Variants in PPP2R5C observed in about 807,000 individuals in gnomAD.
The protein encoded by PPP2R5C is protein phosphatase 2 regulatory subunit B'gamma.
In PPP2R5C, 7 loss-of-function variants were observed where a neutral mutation model predicts 68.9. The observed-to-expected ratio is 0.10, with a 90% confidence interval of 0.06 to 0.19. The LOEUF (loss-of-function observed/expected upper bound fraction) is 0.19. PPP2R5C is among the 10% of genes least tolerant of loss of function. PPP2R5C has a pLI of 1.00. For missense variants in PPP2R5C, 348 were observed against 641.3 expected (o/e 0.54, Z 4.94); for synonymous variants, 210 against 222.2 (o/e 0.95, Z 0.49).
At chr14:101,826,865 C>A (rs886134371) in intron 1 of PPP2R5C, among the ~76,000 whole-genome samples, 1 of 151,792 alleles carries the variant, frequency 6.6e-6, no homozygotes, top group African/African-American at 2.4e-5. Flanking sequence ...ATAAGGAACC[C>A]CTAAAATGTT....
At chr14:101,894,617 A>T in intron 8 of PPP2R5C, 57 bp downstream of exon 10, 2 of 1,503,044 alleles carry the variant, frequency 1.3e-6, no homozygotes, top group Non-Finnish European at 1.8e-6. Flanking sequence ...AAATGTAAAT[A>T]TTACAACATC....
At chr14:101,896,880 T>A (rs1361189603) in intron 8 of PPP2R5C, among the ~76,000 whole-genome samples, 1 of 152,212 alleles carries the variant, frequency 6.6e-6, no homozygotes, top group Admixed American at 6.5e-5. Flanking sequence ...ATTTTTATAG[T>A]GAAATTGCAT....
At chr14:101,837,123 G>A (rs905692353) in intron 1 of PPP2R5C, among the ~76,000 whole-genome samples, 6 of 151,648 alleles carry the variant, frequency 4.0e-5, no homozygotes, top group Admixed American at 2.0e-4. Flanking sequence ...CATTTTATAA[G>A]TTTTTTTTTG....
In PPP2R5C at chr14:101,916,789, C is replaced by T. The variant is rs2046698166; in HGVS notation, c.1327-1042C>T. Among the ~76,000 whole-genome samples, 1 of 151,990 alleles carries T rather than the reference C, an allele frequency of 6.6e-6. No individual in the cohort carries two copies. Among genetic ancestry groups the T allele is most frequent in the Non-Finnish European group, 1.5e-5 (1 of 67,954 alleles). On this transcript the variant is annotated intron_variant, in intron 12 of 13. Coordinates refer to ENST00000334743, the Ensembl canonical transcript of PPP2R5C. The surrounding 1 kb of genome is among the most constrained non-coding windows in gnomAD (Gnocchi z 5.5). ...TGACAGGAGCTCAGCCTGAAAGAGG[C>T]CGAAGCTGTGGGACTCACTGGGCAG...
intron 2 of PPP2R5C, among the ~76,000 whole-genome samples, chr14:101,784,214 C>T (rs1307438605): frequency 6.6e-6 from 1 of 152,154 alleles, no homozygotes; most frequent in Non-Finnish European, 1.5e-5. Flanking sequence ...GCTCTTATTG[C>T]TTATGAAAAT....
Position 101,882,011 on chromosome 14 carries a change from G to C in PPP2R5C, c.295-150G>C, listed in dbSNP as rs1467415012. On this transcript the variant is annotated intron_variant, in intron 2 of 13. Coordinates refer to ENST00000334743, the Ensembl canonical transcript of PPP2R5C. This position sits in a 1 kb window ranked among gnomAD's most constrained non-coding sequence, Gnocchi z 4.9. ...CAGTTTTGATCCAGGCTCTCTCTGA[G>C]GACCCACACAGCTTCTGCGTTTTGA... 1.7e-6 allele frequency: 1 copy of C among 578,870 alleles called. No homozygotes were observed. Among genetic ancestry groups the C allele is most frequent in the Non-Finnish European group, 2.9e-6 (1 of 345,076 alleles). The allele number at this position is 578,870 out of a possible 1,614,324, so 35.9% of individuals were successfully genotyped here. A position where few individuals can be genotyped will look rare whatever the true frequency, so the allele number is the denominator to read the frequency against.
At chr14:101,884,864 A>C (rs1595467620) in intron 5 of PPP2R5C, among the ~76,000 whole-genome samples, 1 of 152,100 alleles carries the variant, frequency 6.6e-6, no homozygotes, top group East Asian at 1.9e-4. Flanking sequence ...CGCACGCCCC[A>C]CCCCACTGCC....
intron 1 of PPP2R5C, among the ~76,000 whole-genome samples, chr14:101,810,557 G>A (rs921451689): frequency 1.3e-5 from 2 of 152,202 alleles, no homozygotes; most frequent in African/African-American, 4.8e-5. Context: ...TCTTGCCGTG[G>A]AGCCTGAGAG....
At chr14:101,873,286 C>A (rs995881310) in intron 2 of PPP2R5C, among the ~76,000 whole-genome samples, 2 of 152,092 alleles carry the variant, frequency 1.3e-5, no homozygotes, top group Admixed American at 1.3e-4. Flanking sequence ...TGCTTCTTTG[C>A]GTGTCTGGTA....
Position 101,909,475 on chromosome 14 carries a change from T to C in PPP2R5C, c.1152-114T>C. On this transcript the variant is annotated intron_variant, in intron 10 of 13. Coordinates refer to ENST00000334743, the Ensembl canonical transcript of PPP2R5C. ...ATGAGCAGGCCTTGCATTTTAGACC[T>C]TAGGGATCCTGTGCGATGTGGGACT... The C allele has an allele frequency of 2.2e-5, 14 of 622,440 alleles. No individual in the cohort carries two copies. In the South Asian group the frequency reaches 3.0e-4, roughly 13 times the overall value. 38.6% of individuals were successfully genotyped at this position (622,440 alleles called of 1,614,324 possible).
chr14:101,903,015 GT>G (rs72219666), intron 9 of PPP2R5C, among the ~76,000 whole-genome samples: 41,021 of 130,546 alleles, frequency 0.31, 8,161 homozygotes, highest in African/African-American at 0.61. Flanking sequence ...TATGTTTTGG[GT>G]TTTTTTTTTT....
chr14:101,837,317 A>AT (rs71770382), intron 1 of PPP2R5C, among the ~76,000 whole-genome samples: 11 of 150,262 alleles, frequency 7.3e-5, no homozygotes, highest in Middle Eastern at 3.4e-3. Context: ...CTCATTTTGT[A>AT]TTTTTTTTTA....
rs556396641 is a variant in PPP2R5C at position 101,799,185 on chromosome 14, A to G, written c.259+13002A>G. ...GCCTGGATGAGGGTGGTCTAAGCCG[A>G]GATTCCTCAGGTGGCTCTGCTGCAT... is the stretch of plus-strand genomic sequence containing the variant. On this transcript the variant is annotated intron_variant, in intron 3 of 14. Transcript: ENST00000328724. Among the ~76,000 whole-genome samples the G allele has an allele frequency of 1.8e-3, 269 of 152,292 alleles. 1 individual carries two copies. The highest frequency in any genetic ancestry group is 5.7e-3 in the African/African-American group (235 of 41,558).
chr14:101,837,503 G>A (rs1318342179), intron 1 of PPP2R5C, among the ~76,000 whole-genome samples: 3 of 152,192 alleles, frequency 2.0e-5, no homozygotes, highest in African/African-American at 7.2e-5. Flanking sequence ...AAACCGATGT[G>A]ATTTCCAAAA....
At chr14:101,811,016 G>A (rs1378781121) in intron 1 of PPP2R5C, among the ~76,000 whole-genome samples, 1 of 152,184 alleles carries the variant, frequency 6.6e-6, no homozygotes, top group Non-Finnish European at 1.5e-5. Flanking sequence ...TTTTAAGGAA[G>A]GGTGGGAGCA....
At chr14:101,886,827 T>C (rs951718035) in intron 5 of PPP2R5C, among the ~76,000 whole-genome samples, 4 of 152,172 alleles carry the variant, frequency 2.6e-5, no homozygotes, top group African/African-American at 9.7e-5. Flanking sequence ...ACCCCTGGGC[T>C]TAAGGGATCC....
intron 1 of PPP2R5C, among the ~76,000 whole-genome samples, chr14:101,849,905 G>C (rs558556627): frequency 1.3e-5 from 2 of 152,292 alleles, no homozygotes; most frequent in African/African-American, 4.8e-5. Flanking sequence ...AGGAAGTCTT[G>C]ATTTCTGGAA....
chr14:101,815,681 C>CT (rs2039615819), intron 1 of PPP2R5C, among the ~76,000 whole-genome samples: 1 of 152,098 alleles, frequency 6.6e-6, no homozygotes, highest in African/African-American at 2.4e-5. Context: ...TACTATATTT[C>CT]TTTTTTGAGT....
At chr14:101,806,618 A>G (rs2039090008), upstream of PPP2R5C, among the ~76,000 whole-genome samples, 1 of 152,168 alleles carries the variant, frequency 6.6e-6, no homozygotes, top group Admixed American at 6.5e-5. Flanking sequence ...TTGTATTTAT[A>G]GCATTTATAT....
Sources: gnomAD v4.1 joint callset for allele counts (sites outside exome capture counted in the v4.1 genomes callset) on GRCh38, gnomAD v4.1.1 for gene constraint, Gnocchi (gnomAD v3.1) non-coding constraint, MANE v1.5 for transcripts, NCBI Gene and HGNC (gene_info 2026-07-23, HGNC 2026-07-21) for gene names.